The following FAF1 variants were observed in gnomAD, a reference collection of about 807,000 sequenced individuals.
FAF1 encodes FAS-associated factor 1.
Under a neutral mutation model 92.5 loss-of-function variants are expected in FAF1, and 25 were observed. The observed-to-expected ratio is 0.27, with a 90% CI of 0.20 to 0.38. The LOEUF is 0.38. FAF1 is among the 10% of genes least tolerant of loss of function. FAF1 has a pLI of 1.00. For synonymous variants in FAF1, 234 were observed against 273.2 expected (o/e 0.86, Z 1.42); for missense variants, 636 against 793.3 (o/e 0.80, Z 2.38).
At chr1:50,633,430 C>T (rs1338701310) in intron 8 of FAF1, among the ~76,000 whole-genome samples, 2 of 152,140 alleles carry the variant, frequency 1.3e-5, no homozygotes, top group Non-Finnish European at 2.9e-5. Context: ...TGAAGTGGCA[C>T]AGCAAAACAA....
intron 15 of FAF1, among the ~76,000 whole-genome samples, chr1:50,512,618 G>A (rs1169702374): frequency 6.6e-6 from 1 of 152,178 alleles, no homozygotes; most frequent in African/African-American, 2.4e-5. Context: ...CCAGTATCAT[G>A]CTGTTTTGGT....
At chr1:50,521,798 C>T (rs1354692653) in intron 15 of FAF1, among the ~76,000 whole-genome samples, 1 of 152,206 alleles carries the variant, frequency 6.6e-6, no homozygotes, top group Non-Finnish European at 1.5e-5. Flanking sequence ...ATGGCAACTC[C>T]ACCCAGTCTA....
At chr1:50,880,733 C>T (rs1272252506) in intron 1 of FAF1, among the ~76,000 whole-genome samples, 1 of 152,112 alleles carries the variant, frequency 6.6e-6, no homozygotes, top group Non-Finnish European at 1.5e-5. Context: ...TTACGGCCAC[C>T]TGAGTAAAAT....
At chr1:50,527,791 A>T (rs1647891774) in intron 15 of FAF1, among the ~76,000 whole-genome samples, 1 of 146,076 alleles carries the variant, frequency 6.8e-6, no homozygotes, top group African/African-American at 2.6e-5. Flanking sequence ...GAAGTATTTA[A>T]CCCAAGAACT....
At chr1:50,655,275 G>C (rs1000483643) in intron 8 of FAF1, among the ~76,000 whole-genome samples, 167 bp downstream of exon 8, 4 of 152,196 alleles carry the variant, frequency 2.6e-5, no homozygotes, top group African/African-American at 9.7e-5. Context: ...ACACGCCTCA[G>C]CCTCCCAAAG....
Position 50,785,436 on chromosome 1 carries a change from T to C in FAF1, c.367+2564A>G, listed in dbSNP as rs574768480. On this transcript the variant is annotated intron_variant, in intron 4 of 18. Coordinates refer to ENST00000396153, the MANE Select transcript of FAF1 (RefSeq NM_007051.3). The stretch of plus-strand genomic sequence containing the variant: ...AAACTTCTATAACTCAACAATAAAA[T>C]ATCAAATAACCCATTTAAAAAAATG... 2.6e-5 allele frequency among the ~76,000 whole-genome samples: 4 copies of C among 151,930 alleles called. No individual in the cohort carries two copies. In the South Asian group the frequency reaches 8.3e-4, roughly 32 times the overall value.
chr1:50,643,068 G>A lies in FAF1; in HGVS notation c.744+12374C>T, dbSNP rs1654418526. On this transcript the variant is annotated intron_variant, in intron 8 of 18. Transcript: ENST00000396153. ...TGGTCTTGAACTCCTGACCTCAGGT[G>A]ATCCGCCCGCCTCGGCCTCCCAAAG... Among the ~76,000 whole-genome samples the A allele has an allele frequency of 2.0e-5, 3 of 152,152 alleles. No individual in the cohort carries two copies. The South Asian group carries it at 6.2e-4, about 32-fold the overall frequency.
At chr1:50,640,259 TG>T (rs1188482278) in intron 8 of FAF1, among the ~76,000 whole-genome samples, 1 of 151,810 alleles carries the variant, frequency 6.6e-6, no homozygotes, top group Non-Finnish European at 1.5e-5. Context: ...TGTTTGGCAA[TG>T]TAATAAGCTG....
At chr1:50,655,352 A>G (rs114103441) in intron 8 of FAF1, 90 bp downstream of exon 8, 13,308 of 871,094 alleles carry the variant, frequency 0.015, 150 homozygotes, top group Non-Finnish European at 0.02. Flanking sequence ...GACTCAAAGC[A>G]TTTAATTGTG....
At chr1:50,896,480 T>C (rs985358765) in intron 1 of FAF1, among the ~76,000 whole-genome samples, 1 of 152,182 alleles carries the variant, frequency 6.6e-6, no homozygotes. Context: ...CACATTCCCA[T>C]GTTCACTGCA....
intron 12 of FAF1, among the ~76,000 whole-genome samples, chr1:50,575,757 G>A (rs1240010397): frequency 3.3e-5 from 5 of 152,160 alleles, no homozygotes; most frequent in African/African-American, 7.2e-5. Context: ...AGCAGACTGG[G>A]CATATTTTCC....
intron 1 of FAF1, among the ~76,000 whole-genome samples, chr1:50,922,485 A>T (rs1644972551): frequency 7.1e-6 from 1 of 140,096 alleles, no homozygotes; most frequent in Admixed American, 7.2e-5. Context: ...AAAAAAAAGA[A>T]AAGAGAGAGA....
intron 1 of FAF1, among the ~76,000 whole-genome samples, chr1:50,889,487 C>G (rs545353833): frequency 6.6e-6 from 1 of 152,258 alleles, no homozygotes; most frequent in East Asian, 1.9e-4. Flanking sequence ...TTCCTGCTTT[C>G]TCTTGTGGGC....
intron 1 of FAF1, among the ~76,000 whole-genome samples, chr1:50,910,075 TTC>T (rs1230586530): frequency 1.3e-5 from 2 of 152,234 alleles, no homozygotes; most frequent in Non-Finnish European, 2.9e-5. Flanking sequence ...TGGATGTCCT[TTC>T]TGTTTGTTAG....
At chr1:50,602,832 T>A (rs10157906) in intron 8 of FAF1, among the ~76,000 whole-genome samples, 1 of 152,110 alleles carries the variant, frequency 6.6e-6, no homozygotes, top group South Asian at 2.1e-4. Context: ...TATATATACA[T>A]ACACCCATGA....
intron 4 of FAF1, among the ~76,000 whole-genome samples, chr1:50,777,913 C>G (rs1292674564): frequency 2.6e-5 from 4 of 152,126 alleles, no homozygotes; most frequent in Non-Finnish European, 2.9e-5. Flanking sequence ...CCTGCTAACT[C>G]TAAACAAACA....
At chr1:50,527,858 TCCCTCTCTCC>T (rs1557982383) in intron 15 of FAF1, among the ~76,000 whole-genome samples, 2 of 89,004 alleles carry the variant, frequency 2.2e-5, no homozygotes, top group African/African-American at 1.1e-4. Flanking sequence ...TCTCCCTCTC[TCCCTCTCTCC>T]CTCTCTCTCT....
chr1:50,574,324 T>C (rs138631040), intron 12 of FAF1, among the ~76,000 whole-genome samples: 1 of 152,270 alleles, frequency 6.6e-6, no homozygotes, highest in Non-Finnish European at 1.5e-5. Flanking sequence ...TACAGCAAGT[T>C]ACAGAGAAGC....
chr1:50,847,641 A>C (rs531659472), intron 2 of FAF1, among the ~76,000 whole-genome samples: 2 of 152,284 alleles, frequency 1.3e-5, no homozygotes, highest in Admixed American at 6.5e-5. Context: ...AATCTTAGAA[A>C]GAGGAGAGAG....
Sources: gnomAD v4.1 joint callset for allele counts (sites outside exome capture counted in the v4.1 genomes callset) on GRCh38, gnomAD v4.1.1 for gene constraint, MANE v1.5 for transcripts, NCBI Gene and HGNC (gene_info 2026-07-23, HGNC 2026-07-21) for gene names.